The following MYO3A variants were observed in gnomAD, a reference collection of about 807,000 sequenced individuals.
MYO3A encodes the protein myosin IIIA.
Under a neutral mutation model 192.7 loss-of-function variants are expected in MYO3A, and 180 were observed. The ratio of observed to expected loss-of-function variants is 0.93; its 90% CI spans 0.83 to 1.06. MYO3A has a LOEUF of 1.06. Among genes scored for constraint, MYO3A ranks in the 50% least tolerant of loss-of-function variants. MYO3A has a pLI of 0.00. For synonymous variants in MYO3A, 628 were observed against 645.3 expected (o/e 0.97, Z 0.41); for missense variants, 1,896 against 1,905.0 (o/e 1.00, Z 0.09).
chr10:26,055,255 A>T (rs1478040202), intron 10 of MYO3A, among the ~76,000 whole-genome samples: 1 of 152,168 alleles, frequency 6.6e-6, no homozygotes, highest in African/African-American at 2.4e-5. Context: ...CTTCATAAAG[A>T]CAGGCTCTTT....
At chr10:26,121,305 A>C (rs891424345) in intron 18 of MYO3A, among the ~76,000 whole-genome samples, 1 of 151,968 alleles carries the variant, frequency 6.6e-6, no homozygotes, top group African/African-American at 2.4e-5. Flanking sequence ...GAGTTTGATA[A>C]ATTATTTCCA....
intron 7 of MYO3A, among the ~76,000 whole-genome samples, chr10:26,018,678 TATC>T (rs1842112364): frequency 6.6e-6 from 1 of 152,152 alleles, no homozygotes; most frequent in Non-Finnish European, 1.5e-5. Context: ...CTGTACAACT[TATC>T]ATACAAACCA....
chr10:26,171,619 A>G (rs933754821), intron 29 of MYO3A, among the ~76,000 whole-genome samples: 1 of 152,096 alleles, frequency 6.6e-6, no homozygotes, highest in Non-Finnish European at 1.5e-5. Flanking sequence ...ACCTATATAT[A>G]TGCTCTCTGT....
intron 17 of MYO3A, 118 bp downstream of exon 17, chr10:26,096,800 C>A: frequency 1.4e-6 from 1 of 719,896 alleles, no homozygotes; most frequent in Non-Finnish European, 2.4e-6. Context: ...TAAATTGAAA[C>A]AGCATTATGA....
chr10:26,039,205 T>C (rs2131205751), intron 10 of MYO3A, among the ~76,000 whole-genome samples: 1 of 108,548 alleles, frequency 9.2e-6, no homozygotes, highest in African/African-American at 4.0e-5. Flanking sequence ...CAGGCTCGGC[T>C]AATTTTTTTT....
chr10:26,102,674 C>T (rs1478894062), intron 17 of MYO3A, among the ~76,000 whole-genome samples: 1 of 152,154 alleles, frequency 6.6e-6, no homozygotes, highest in Non-Finnish European at 1.5e-5. Flanking sequence ...CCCTCCAGAC[C>T]CTGTTTGTCT....
chr10:26,066,105 G>C (rs1194254634), intron 10 of MYO3A, among the ~76,000 whole-genome samples: 1 of 32,832 alleles, frequency 3.0e-5, no homozygotes, highest in Non-Finnish European at 8.3e-5. Context: ...CTGGGCGACA[G>C]AGCGAAACTC....
intron 20 of MYO3A, among the ~76,000 whole-genome samples, chr10:26,130,466 A>G (rs779110247): frequency 1.3e-5 from 2 of 152,174 alleles, no homozygotes; most frequent in Non-Finnish European, 2.9e-5. Flanking sequence ...AATGCTCTTA[A>G]TTCTTTTGTC....
In MYO3A at chr10:26,212,313, G is replaced by T. The variant is rs1332906579; in HGVS notation, c.*350G>T. ...TGGACTCCACTGCGCCTGGGATCTC[G>T]CCAACCCCTCTCTCATTTGGGGTGA... On this transcript the variant is annotated 3_prime_UTR_variant, in exon 35 of 35. Transcript: ENST00000642920. 7.5e-6 allele frequency: 3 copies of T among 398,590 alleles called. No individual in the cohort carries two copies. The highest frequency in any genetic ancestry group is 1.3e-5 in the Non-Finnish European group (3 of 226,326). The allele number at this position is 398,590 out of a possible 1,614,324, so 24.7% of individuals were successfully genotyped here.
At chr10:26,117,413 C>T (rs1272827862) in intron 17 of MYO3A, among the ~76,000 whole-genome samples, 1 of 152,152 alleles carries the variant, frequency 6.6e-6, no homozygotes, top group East Asian at 1.9e-4. Flanking sequence ...CAGATTATTT[C>T]ATCACCCAGG....
chr10:25,942,974 C>T (rs1836597078), intron 2 of MYO3A, among the ~76,000 whole-genome samples: 1 of 151,506 alleles, frequency 6.6e-6, no homozygotes, highest in South Asian at 2.1e-4. Flanking sequence ...TGTATTTTTT[C>T]TCTTCTGCTT....
At chr10:26,051,549 A>ATG (rs1564496714) in intron 10 of MYO3A, among the ~76,000 whole-genome samples, 29 of 147,986 alleles carry the variant, frequency 2.0e-4, no homozygotes, top group Non-Finnish European at 3.7e-4. Flanking sequence ...ACATATATAT[A>ATG]TTATATACTA....
At position 26,143,507 on chromosome 10, in the gene MYO3A, C is replaced by T. The variant is rs768977255; in HGVS notation, c.2322C>T (p.Pro774=). The T allele has an allele frequency of 5.9e-5, 95 of 1,613,282 alleles. No homozygotes were observed. The highest frequency in any genetic ancestry group is 8.0e-5 in the Non-Finnish European group (94 of 1,179,582). Residue 774 remains proline (P), a synonymous_variant, in exon 21 of 35, where the codon CCC becomes CCT. Coordinates refer to ENST00000642920, the MANE Select transcript of MYO3A (RefSeq NM_017433.5). ...ARVIEYEDNW[P]LLDMFLQKPM... Reference sequence around the variant, plus strand: ...TTATTGAATATGAGGATAACTGGCCCCTCTTAGATATGTTTCTGCAAAAGC... The same window carrying T: ...TTATTGAATATGAGGATAACTGGCCTCTCTTAGATATGTTTCTGCAAAAGC...
rs368385468 is a variant in MYO3A at position 26,067,009 on chromosome 10, A to C, written c.988A>C (p.Asn330His). Residue 330 changes from asparagine (N) to histidine (H), a missense_variant, in exon 11 of 35, where the codon AAC becomes CAC. Coordinates refer to ENST00000642920, the MANE Select transcript of MYO3A (RefSeq NM_017433.5). ...ERIHTKKGNFNRPLISNLKDV... is the reference protein window; with the variant it reads ...ERIHTKKGNFHRPLISNLKDV... Reference sequence around the variant, plus strand: ...TATTCACACGAAGAAAGGGAACTTCAACCGACCTCTAATATCCAATCTGAA... The same window carrying C: ...TATTCACACGAAGAAAGGGAACTTCCACCGACCTCTAATATCCAATCTGAA... 6.2e-7 allele frequency: 1 copy of C among 1,613,016 alleles called. No individual in the cohort carries two copies. The highest frequency in any genetic ancestry group is 8.5e-7 in the Non-Finnish European group (1 of 1,178,996).
chr10:26,089,494 G>C (rs539220083), intron 15 of MYO3A, among the ~76,000 whole-genome samples: 2 of 151,866 alleles, frequency 1.3e-5, no homozygotes, highest in African/African-American at 2.4e-5. Flanking sequence ...CCAGCTACTC[G>C]GGAGGCTGAG....
rs1235977829 is a variant in MYO3A, at chr10:25,996,504, A to G, written c.318A>G (p.Gly106=). Residue 106 remains glycine (G), a synonymous_variant, in exon 5 of 35, where the codon GGA becomes GGG. Coordinates refer to ENST00000642920, the MANE Select transcript of MYO3A (RefSeq NM_017433.5). The stretch of plus-strand genomic sequence containing the variant: ...TTCTTGTTTAGCTCTGCAGTGGAGG[A>G]TCAGTGACTGACCTTGTGAAAGGAT... ...LWLVLELCSG[G]SVTDLVKGFL... is the part of the protein sequence containing the mutation. The G allele has an allele frequency of 6.2e-7, 1 of 1,613,690 alleles. No individual in the cohort carries two copies. Among genetic ancestry groups the G allele is most frequent in the African/African-American group, 1.3e-5 (1 of 74,938 alleles).
chr10:26,210,059 G>A (rs1217610312), intron 34 of MYO3A, among the ~76,000 whole-genome samples: 2 of 137,428 alleles, frequency 1.5e-5, no homozygotes, highest in Non-Finnish European at 3.1e-5. Context: ...GGCTGTTATT[G>A]TACCACTGCA....
intron 6 of MYO3A, among the ~76,000 whole-genome samples, chr10:26,011,631 G>C (rs1385592341): frequency 6.6e-6 from 1 of 152,042 alleles, no homozygotes; most frequent in Non-Finnish European, 1.5e-5. Context: ...TTTAAAAACT[G>C]TCAACAAAAA....
At chr10:26,171,657 G>C (rs1261953155) in intron 29 of MYO3A, among the ~76,000 whole-genome samples, 2 of 152,118 alleles carry the variant, frequency 1.3e-5, no homozygotes, top group African/African-American at 4.8e-5. Context: ...CAAATGATTT[G>C]TTTCTCTTTG....
Sources: gnomAD v4.1 joint callset for allele counts (sites outside exome capture counted in the v4.1 genomes callset) on GRCh38, gnomAD v4.1.1 for gene constraint, MANE v1.5 for transcripts, NCBI Gene and HGNC (gene_info 2026-07-23, HGNC 2026-07-21) for gene names.